The following ADGRB3 variants were observed in gnomAD, a reference collection of about 807,000 sequenced individuals.
ADGRB3 encodes adhesion G protein-coupled receptor B3.
A neutral mutation model predicts 193.4 loss-of-function variants in ADGRB3; 37 were observed. That is an observed-to-expected ratio of 0.19 (90% CI 0.15 to 0.25). ADGRB3 has a LOEUF of 0.25. Ranked by LOEUF, ADGRB3 falls within the 10% of genes least tolerant of loss-of-function variation. The pLI, the probability that ADGRB3 is intolerant of heterozygous loss-of-function variation, is 1.00. For missense variants in ADGRB3, 1,637 were observed against 1,852.9 expected (o/e 0.88, Z 2.14); for synonymous variants, 690 against 644.2 (o/e 1.07, Z -1.08).
At chr6:68,866,005 C>T (rs1414977059) in intron 3 of ADGRB3, among the ~76,000 whole-genome samples, 1 of 152,160 alleles carries the variant, frequency 6.6e-6, no homozygotes, top group Non-Finnish European at 1.5e-5. Context: ...CAGAGTGGTT[C>T]TGTAATCTCT....
chr6:69,142,364 CTT>C (rs1289823798), intron 17 of ADGRB3, among the ~76,000 whole-genome samples: 3 of 152,104 alleles, frequency 2.0e-5, no homozygotes, highest in Admixed American at 1.3e-4. Context: ...GTATATCTGT[CTT>C]TTGTGTACAG....
At chr6:68,799,312 G>T (rs1767270157) in intron 3 of ADGRB3, among the ~76,000 whole-genome samples, 1 of 152,110 alleles carries the variant, frequency 6.6e-6, no homozygotes, top group Non-Finnish European at 1.5e-5. Flanking sequence ...GATTTGAGTA[G>T]TGAGAAACAC....
chr6:68,706,420 T>C (rs1765326466), intron 3 of ADGRB3, among the ~76,000 whole-genome samples: 1 of 152,192 alleles, frequency 6.6e-6, no homozygotes, highest in Admixed American at 6.5e-5. Context: ...ATACCTAGGC[T>C]ATAAGAAAAA....
intron 3 of ADGRB3, among the ~76,000 whole-genome samples, chr6:68,840,244 C>T (rs537745943): frequency 1.8e-4 from 28 of 152,108 alleles, no homozygotes; most frequent in African/African-American, 6.0e-4. Context: ...AAAGATGTTG[C>T]AGCTCTGAAA....
chr6:69,234,975 GTTATT>G (rs1766228918), intron 18 of ADGRB3, 52 bp from the exon 19 acceptor site: 2 of 1,376,480 alleles, frequency 1.5e-6, no homozygotes, highest in Admixed American at 1.7e-5. Context: ...GAGTCTAGAA[GTTATT>G]TTAATTTATT....
intron 17 of ADGRB3, among the ~76,000 whole-genome samples, chr6:69,173,571 G>T (rs1775345518): frequency 6.6e-6 from 1 of 152,060 alleles, no homozygotes. Flanking sequence ...GATGAAGATG[G>T]ATATGTGCAT....
intron 15 of ADGRB3, among the ~76,000 whole-genome samples, chr6:69,051,524 C>T (rs1040619911): frequency 1.4e-4 from 21 of 152,166 alleles, no homozygotes; most frequent in African/African-American, 4.8e-4. Flanking sequence ...GATATAAGGA[C>T]AATAGAATGC....
chr6:68,888,061 TA>T lies in ADGRB3; in HGVS notation c.758-42493del, dbSNP rs1765962180. On this transcript the variant is annotated intron_variant, in intron 3 of 31. Transcript: ENST00000370598. ...CAAAATCTTAGTTACTTAAAGAGTA[TA>T]AAAACCTATTCCTCTCATAGCTAGA... Among the ~76,000 whole-genome samples the T allele has an allele frequency of 4.6e-5, 7 of 152,260 alleles. No homozygotes were observed. In the South Asian group the frequency reaches 1.2e-3, roughly 27 times the overall value.
chr6:68,869,483 A>G (rs1765398915), intron 3 of ADGRB3, among the ~76,000 whole-genome samples: 2 of 152,212 alleles, frequency 1.3e-5, no homozygotes, highest in African/African-American at 4.8e-5. Flanking sequence ...GAAATCATGC[A>G]AGAACATCAA....
rs869146684 is a variant in ADGRB3 at position 69,040,675 on chromosome 6, C to CAAAAAAAAAAAAAAAAAAAAAAAA, written c.2108-7499_2108-7476dup. The stretch of plus-strand genomic sequence containing the variant: ...CCCAGGCTTTGAAATGACTGATGGA[C>CAAAAAAAAAAAAAAAAAAAAAAAA]AAAAAAAAAAAAAAAAAAAAAAAAA... On this transcript the variant is annotated intron_variant, in intron 13 of 31. Transcript: ENST00000370598. Among the ~76,000 whole-genome samples, 5 of 19,520 alleles carry CAAAAAAAAAAAAAAAAAAAAAAAA rather than the reference C, an allele frequency of 2.6e-4. 1 individual carries two copies. Among genetic ancestry groups the CAAAAAAAAAAAAAAAAAAAAAAAA allele is most frequent in the Non-Finnish European group, 3.4e-4 (4 of 11,614 alleles). The allele number at this position is 19,520 out of a possible 152,430, so 12.8% of individuals were successfully genotyped here.
chr6:68,804,495 C>G (rs1767368030), intron 3 of ADGRB3, among the ~76,000 whole-genome samples: 1 of 151,984 alleles, frequency 6.6e-6, no homozygotes, highest in South Asian at 2.1e-4. Context: ...ACTACTTGTT[C>G]AGTTATGTTA....
intron 20 of ADGRB3, among the ~76,000 whole-genome samples, chr6:69,298,629 T>C (rs539809821): frequency 3.9e-5 from 6 of 152,152 alleles, no homozygotes; most frequent in Non-Finnish European, 8.8e-5. Flanking sequence ...AGTGAGAACA[T>C]GTGATATTTG....
At chr6:68,963,645 G>A (rs966463466) in intron 8 of ADGRB3, among the ~76,000 whole-genome samples, 2 of 152,108 alleles carry the variant, frequency 1.3e-5, no homozygotes, top group African/African-American at 4.8e-5. Flanking sequence ...TTATGGTGCT[G>A]TTTGCACTGT....
chr6:68,686,260 T>C (rs1764981762), intron 3 of ADGRB3, among the ~76,000 whole-genome samples: 2 of 152,182 alleles, frequency 1.3e-5, no homozygotes, highest in African/African-American at 4.8e-5. Context: ...TTTGGCTAAG[T>C]TTCTCAAAAC....
At chr6:68,822,883 A>G (rs1417221428) in intron 3 of ADGRB3, among the ~76,000 whole-genome samples, 1 of 152,050 alleles carries the variant, frequency 6.6e-6, no homozygotes, top group Non-Finnish European at 1.5e-5. Context: ...CTTTGGAAGA[A>G]TATTTTCCTT....
intron 3 of ADGRB3, among the ~76,000 whole-genome samples, chr6:68,731,714 A>G (rs1052777849): frequency 1.3e-5 from 2 of 151,602 alleles, no homozygotes; most frequent in Non-Finnish European, 3.0e-5. Flanking sequence ...ATAATAAATC[A>G]TATAATCTTA....
chr6:69,297,396 C>A (rs371008701), intron 20 of ADGRB3, among the ~76,000 whole-genome samples: 4,657 of 142,858 alleles, frequency 0.033, 189 homozygotes, highest in African/African-American at 0.11. Flanking sequence ...CTCTCTATCT[C>A]TCTCTCTCTC....
At chr6:68,810,249 G>A (rs898885174) in intron 3 of ADGRB3, among the ~76,000 whole-genome samples, 6 of 152,110 alleles carry the variant, frequency 3.9e-5, no homozygotes, top group Non-Finnish European at 8.8e-5. Flanking sequence ...AGTGAGATAT[G>A]TCATAATCCT....
chr6:69,298,705 T>C (rs1245475940), intron 20 of ADGRB3, among the ~76,000 whole-genome samples: 1 of 152,060 alleles, frequency 6.6e-6, no homozygotes, highest in Non-Finnish European at 1.5e-5. Flanking sequence ...TTGTTGCAAA[T>C]GATAGGACTT....
Sources: allele counts gnomAD v4.1 joint callset (sites outside exome capture counted in the v4.1 genomes callset), GRCh38; gene constraint gnomAD v4.1.1; transcripts MANE v1.5; gene names NCBI Gene and HGNC (gene_info 2026-07-23, HGNC 2026-07-21).